Variants in CDYL2 observed in about 807,000 individuals in gnomAD.
The protein encoded by CDYL2 is chromodomain Y like 2.
CDYL2 carries 23 observed loss-of-function variants against 49.4 expected under a neutral mutation model. That is an observed-to-expected ratio of 0.47 (90% CI 0.34 to 0.66). CDYL2 has a LOEUF of 0.66. Among genes scored for constraint, CDYL2 ranks in the 30% least tolerant of loss-of-function variants. CDYL2 has a pLI of 0.01. For missense variants in CDYL2, 678 were observed against 656.4 expected (o/e 1.03, Z -0.36); for synonymous variants, 360 against 268.8 (o/e 1.34, Z -3.32).
At chr16:80,691,835 T>C (rs1225044138) in intron 1 of CDYL2, among the ~76,000 whole-genome samples, 1 of 151,242 alleles carries the variant, frequency 6.6e-6, no homozygotes, top group East Asian at 2.0e-4. Context: ...GAAGCTGAAA[T>C]GAAAAAAACG....
intron 1 of CDYL2, chr16:80,736,576 A>G (rs1382859673): frequency 1.3e-5 from 2 of 152,194 alleles, no homozygotes; most frequent in Non-Finnish European, 2.9e-5. Context: ...GTGGCTGAAC[A>G]CTGGGACTGT....
chr16:80,669,004 AGAGAAGAGAG>A (rs1430035495), intron 2 of CDYL2, among the ~76,000 whole-genome samples: 8 of 152,158 alleles, frequency 5.3e-5, no homozygotes, highest in African/African-American at 1.7e-4. Flanking sequence ...GAAAACAAAA[AGAGAAGAGAG>A]GAGAAGAGAG....
At chr16:80,773,530 T>C (rs1906976999) in intron 1 of CDYL2, among the ~76,000 whole-genome samples, 1 of 152,112 alleles carries the variant, frequency 6.6e-6, no homozygotes, top group African/African-American at 2.4e-5. Flanking sequence ...GCTGCATGCA[T>C]GAAACATTTA....
chr16:80,762,834 G>A (rs1290315659), intron 1 of CDYL2, among the ~76,000 whole-genome samples: 1 of 152,068 alleles, frequency 6.6e-6, no homozygotes, highest in African/African-American at 2.4e-5. Context: ...GTCCCTAAAT[G>A]CAAGAAGACT....
chr16:80,704,791 G>A (rs756456226), intron 1 of CDYL2, among the ~76,000 whole-genome samples: 19 of 152,210 alleles, frequency 1.2e-4, no homozygotes, highest in Admixed American at 4.6e-4. Flanking sequence ...GAAAGGCCAC[G>A]TGGCTGAAGC....
chr16:80,740,731 GA>G (rs1179047121), intron 1 of CDYL2, among the ~76,000 whole-genome samples: 2 of 149,590 alleles, frequency 1.3e-5, no homozygotes, highest in Non-Finnish European at 3.0e-5. Flanking sequence ...AAATATAGTA[GA>G]AAAAAAGTCT....
intron 3 of CDYL2, among the ~76,000 whole-genome samples, chr16:80,624,431 A>G (rs1364986741): frequency 6.6e-6 from 1 of 152,268 alleles, no homozygotes; most frequent in Non-Finnish European, 1.5e-5. Flanking sequence ...AGATAAAAAA[A>G]TTAACACAGA....
intron 2 of CDYL2, among the ~76,000 whole-genome samples, chr16:80,639,312 C>T (rs1033603273): frequency 6.6e-5 from 10 of 152,144 alleles, no homozygotes; most frequent in African/African-American, 1.9e-4. Flanking sequence ...AAAAGCTAAA[C>T]TAGTCTTACC....
intron 1 of CDYL2, among the ~76,000 whole-genome samples, chr16:80,763,381 C>A (rs1326577691): frequency 4.2e-4 from 1 of 2,374 alleles, no homozygotes; most frequent in Non-Finnish European, 7.7e-4. Flanking sequence ...AAGGCCGAGG[C>A]GGGCAGATCA....
intron 1 of CDYL2, among the ~76,000 whole-genome samples, chr16:80,708,265 G>C (rs899902879): frequency 6.6e-6 from 1 of 152,220 alleles, no homozygotes; most frequent in African/African-American, 2.4e-5. Context: ...GGGCCAGGTG[G>C]AGATAACTGA....
At chr16:80,610,763 G>T (rs1304728389) in intron 5 of CDYL2, among the ~76,000 whole-genome samples, 1 of 152,098 alleles carries the variant, frequency 6.6e-6, no homozygotes, top group Non-Finnish European at 1.5e-5. Flanking sequence ...GCCAGCACTC[G>T]GCTTTTTCTC....
intron 1 of CDYL2, among the ~76,000 whole-genome samples, chr16:80,725,672 G>A (rs187274191): frequency 1.2e-4 from 19 of 152,278 alleles, no homozygotes; most frequent in African/African-American, 3.6e-4. Context: ...AACTCTGTAC[G>A]ACTGACCTGA....
chr16:80,747,770 C>T (rs1304002547), intron 1 of CDYL2, among the ~76,000 whole-genome samples: 2 of 152,128 alleles, frequency 1.3e-5, no homozygotes, highest in East Asian at 1.9e-4. Flanking sequence ...TGCCTTGCAG[C>T]CACATACACC....
At chr16:80,669,875 G>C (rs1432737300) in intron 2 of CDYL2, among the ~76,000 whole-genome samples, 1 of 152,186 alleles carries the variant, frequency 6.6e-6, no homozygotes. Context: ...CACACCATGA[G>C]GGTCTTGACT....
At chr16:80,653,723 T>A (rs1005278649) in intron 2 of CDYL2, among the ~76,000 whole-genome samples, 5 of 152,222 alleles carry the variant, frequency 3.3e-5, no homozygotes, top group Non-Finnish European at 7.3e-5. Context: ...TTTAAGCTAT[T>A]ATTTTAAAGA....
At chr16:80,804,782 G>T (rs1218710530), upstream of CDYL2, among the ~76,000 whole-genome samples, 1 of 144,598 alleles carries the variant, frequency 6.9e-6, no homozygotes, top group Non-Finnish European at 1.5e-5. Flanking sequence ...CCAGGTGCCC[G>T]CCGGGTGCGC....
At chr16:80,800,619 C>G (rs940307958) in intron 1 of CDYL2, among the ~76,000 whole-genome samples, 1 of 151,962 alleles carries the variant, frequency 6.6e-6, no homozygotes, top group South Asian at 2.1e-4. Context: ...AGAGAGAGAA[C>G]TGAGCCACCC....
chr16:80,750,377 T>A (rs1001956723), intron 1 of CDYL2, among the ~76,000 whole-genome samples: 4 of 120,864 alleles, frequency 3.3e-5, no homozygotes, highest in Admixed American at 1.6e-4. Flanking sequence ...AAATAAAAAA[T>A]AAAAACAGTA....
intron 2 of CDYL2, chr16:80,679,816 G>A (rs1346602746): frequency 2.2e-6 from 1 of 455,556 alleles, no homozygotes; most frequent in Non-Finnish European, 4.4e-6. Flanking sequence ...TCTGAAACTG[G>A]GCTCACTGGA....
Sources: gnomAD v4.1 joint callset for allele counts (sites outside exome capture counted in the v4.1 genomes callset) on GRCh38, gnomAD v4.1.1 for gene constraint, MANE v1.5 for transcripts, NCBI Gene and HGNC (gene_info 2026-07-23, HGNC 2026-07-21) for gene names.